RPS6KC1: variants seen among roughly 807,000 people sequenced by gnomAD.
RPS6KC1 encodes the protein ribosomal protein S6 kinase C1, also known as inactive ribosomal protein S6 kinase delta-1.
A neutral mutation model predicts 103.8 loss-of-function variants in RPS6KC1; 54 were observed. The ratio of observed to expected loss-of-function variants is 0.52; its 90% CI spans 0.42 to 0.65. The LOEUF (loss-of-function observed/expected upper bound fraction) is 0.65, where lower values mean the gene tolerates loss of function less well. RPS6KC1 is among the 30% of genes least tolerant of loss of function. RPS6KC1 has a pLI of 0.00. For missense variants in RPS6KC1, 1,151 were observed against 1,253.8 expected (o/e 0.92, Z 1.24); for synonymous variants, 439 against 438.7 (o/e 1.00, Z -0.01).
At chr1:213,673,681 T>C in the RPS6KC1 span, among the ~76,000 whole-genome samples, 1 of 152,346 alleles carries the variant, frequency 6.6e-6, no homozygotes, top group South Asian at 2.1e-4. Context: ...GCCTGTATTA[T>C]GTGGTTTCAG....
chr1:213,072,674 A>G (rs1055002513), intron 2 of RPS6KC1, among the ~76,000 whole-genome samples: 1 of 152,222 alleles, frequency 6.6e-6, no homozygotes, highest in African/African-American at 2.4e-5. Context: ...ATACATACAT[A>G]TATATGTATC....
chr1:213,293,659 G>A, the RPS6KC1 span, among the ~76,000 whole-genome samples: 7 of 152,120 alleles, frequency 4.6e-5, no homozygotes, highest in African/African-American at 9.7e-5. Context: ...GTGACAGAAC[G>A]AGATGCTGTC....
the RPS6KC1 span, among the ~76,000 whole-genome samples, chr1:213,632,642 C>T: frequency 5.3e-5 from 8 of 152,356 alleles, no homozygotes; most frequent in South Asian, 2.1e-4. Context: ...CTCTTCTCCT[C>T]CAAAGGATCG....
At position 213,182,903 on chromosome 1, in the gene RPS6KC1, CAT is replaced by C. The variant is rs534550656; in HGVS notation, c.1044+6420_1044+6421del. Among the ~76,000 whole-genome samples, 938 of 146,824 alleles carry C rather than the reference CAT, an allele frequency of 6.4e-3. 4 individuals carry two copies. Among genetic ancestry groups the C allele is most frequent in the Middle Eastern group, 0.011 (3 of 266 alleles). On this transcript the variant is annotated intron_variant, in intron 8 of 14. Transcript: ENST00000366960. Reference sequence around the variant, plus strand: ...TGATGCATATATATGACGTATATATCATATATATATCATGATATATATCATGT... The same window carrying C: ...TGATGCATATATATGACGTATATATCATATATATCATGATATATATCATGT...
At chr1:213,505,606 T>A in the RPS6KC1 span, among the ~76,000 whole-genome samples, 1 of 152,166 alleles carries the variant, frequency 6.6e-6, no homozygotes, top group African/African-American at 2.4e-5. Flanking sequence ...AACAGCAATA[T>A]CTAACATGCC....
At chr1:213,364,564 C>G in the RPS6KC1 span, among the ~76,000 whole-genome samples, 1 of 152,218 alleles carries the variant, frequency 6.6e-6, no homozygotes, top group Non-Finnish European at 1.5e-5. Flanking sequence ...CTGCATTCCT[C>G]ACTGCTTGTC....
chr1:213,659,291 G>T, the RPS6KC1 span, among the ~76,000 whole-genome samples: 2 of 152,154 alleles, frequency 1.3e-5, no homozygotes, highest in Non-Finnish European at 2.9e-5. Flanking sequence ...TAGGGAGGAA[G>T]GGCTGGAGTG....
In RPS6KC1 at chr1:213,202,026, C is replaced by T. The variant is rs577054672; in HGVS notation, c.1044+25534C>T. Among the ~76,000 whole-genome samples, 52 of 152,100 alleles carry T rather than the reference C, an allele frequency of 3.4e-4. 1 individual carries two copies. Among genetic ancestry groups the T allele is most frequent in the African/African-American group, 1.2e-3 (50 of 41,466 alleles). Reference sequence around the variant, plus strand: ...TGTACACCATGCAGAATTCTAAGCTCTCTACATAAATTATTTAATGCTCTC... The same window carrying T: ...TGTACACCATGCAGAATTCTAAGCTTTCTACATAAATTATTTAATGCTCTC... On this transcript the variant is annotated intron_variant, in intron 8 of 14. Coordinates refer to ENST00000366960, the MANE Select transcript of RPS6KC1 (RefSeq NM_012424.6).
the RPS6KC1 span, among the ~76,000 whole-genome samples, chr1:213,673,749 A>G: frequency 6.6e-6 from 1 of 152,122 alleles, no homozygotes; most frequent in African/African-American, 2.4e-5. Context: ...ATAGCCCTCT[A>G]CCATTTAGTG....
the RPS6KC1 span, among the ~76,000 whole-genome samples, chr1:213,859,491 G>T: frequency 6.6e-6 from 1 of 152,134 alleles, no homozygotes; most frequent in African/African-American, 2.4e-5. Context: ...TGGGTCATGT[G>T]GTTTCTATTG....
chr1:213,770,440 G>A, the RPS6KC1 span, among the ~76,000 whole-genome samples: 6 of 152,186 alleles, frequency 3.9e-5, no homozygotes, highest in Non-Finnish European at 7.3e-5. Context: ...TGTTGTCTCC[G>A]GTTGTTATTC....
At chr1:213,130,079 C>T (rs2085433392) in intron 6 of RPS6KC1, among the ~76,000 whole-genome samples, 190 bp downstream of exon 6, 1 of 152,040 alleles carries the variant, frequency 6.6e-6, no homozygotes, top group African/African-American at 2.4e-5. Flanking sequence ...ATCGGAGGTA[C>T]TTAACCCTCT....
intron 12 of RPS6KC1, among the ~76,000 whole-genome samples, chr1:213,260,513 A>G (rs981063119): frequency 6.6e-6 from 1 of 152,222 alleles, no homozygotes; most frequent in Non-Finnish European, 1.5e-5. Flanking sequence ...ACACAAGTAC[A>G]TTGACTAAGC....
At chr1:213,175,581 A>G (rs963097328) in intron 7 of RPS6KC1, among the ~76,000 whole-genome samples, 1 of 152,210 alleles carries the variant, frequency 6.6e-6, no homozygotes, top group Admixed American at 6.5e-5. Context: ...ATCTAATTTA[A>G]TGGCTTATAT....
the RPS6KC1 span, among the ~76,000 whole-genome samples, chr1:213,777,714 G>A: frequency 6.6e-6 from 1 of 152,158 alleles, no homozygotes; most frequent in Non-Finnish European, 1.5e-5. Context: ...TGCCTGTATA[G>A]CAATCCTACA....
intron 6 of RPS6KC1, among the ~76,000 whole-genome samples, chr1:213,141,888 A>G (rs764324082): frequency 2.0e-5 from 3 of 149,996 alleles, no homozygotes; most frequent in Non-Finnish European, 4.4e-5. Context: ...TGTTAGGTCT[A>G]TTTAGTCAAA....
intron 7 of RPS6KC1, among the ~76,000 whole-genome samples, chr1:213,173,979 G>A (rs1018893521): frequency 6.6e-6 from 1 of 152,194 alleles, no homozygotes; most frequent in African/African-American, 2.4e-5. Context: ...ATAGGAGATA[G>A]GGATGTTGGA....
At chr1:213,590,951 TA>T in the RPS6KC1 span, among the ~76,000 whole-genome samples, 1 of 152,126 alleles carries the variant, frequency 6.6e-6, no homozygotes, top group Admixed American at 6.5e-5. Flanking sequence ...GTTAGTGGGA[TA>T]AACTGCAGCC....
chr1:213,507,284 G>C, the RPS6KC1 span, among the ~76,000 whole-genome samples: 4 of 152,234 alleles, frequency 2.6e-5, no homozygotes, highest in East Asian at 7.7e-4. Flanking sequence ...CACGCAACCT[G>C]CCTGGCTCTG....
Sources: allele counts gnomAD v4.1 joint callset (sites outside exome capture counted in the v4.1 genomes callset), GRCh38; gene constraint gnomAD v4.1.1; transcripts MANE v1.5; gene names NCBI Gene and HGNC (gene_info 2026-07-23, HGNC 2026-07-21).